The following IMMP2L variants were observed in gnomAD, a reference collection of about 807,000 sequenced individuals.
IMMP2L encodes mitochondrial inner membrane protease subunit 2.
Under a neutral mutation model 19.3 loss-of-function variants are expected in IMMP2L, and 18 were observed. That is an observed-to-expected ratio of 0.93 (90% CI 0.64 to 1.38). The LOEUF is 1.38. Among genes scored for constraint, IMMP2L ranks in the 40% most tolerant of loss-of-function variants. The probability of loss-of-function intolerance (pLI) is 0.00; values close to 1 mark genes in which losing one functional copy is unlikely to be tolerated. For synonymous variants in IMMP2L, 76 were observed against 73.0 expected (o/e 1.04, Z -0.21); for missense variants, 233 against 218.2 (o/e 1.07, Z -0.43).
chr7:111,317,980 T>G (rs1240108861), intron 3 of IMMP2L, among the ~76,000 whole-genome samples: 1 of 152,152 alleles, frequency 6.6e-6, no homozygotes, highest in Non-Finnish European at 1.5e-5. Context: ...AATCTACATT[T>G]TTTCAATCTG....
chr7:110,801,149 C>A (rs2131210606), intron 5 of IMMP2L, among the ~76,000 whole-genome samples: 1 of 152,138 alleles, frequency 6.6e-6, no homozygotes, highest in South Asian at 2.1e-4. Context: ...TGTTTCTACA[C>A]CTCAGTTTCC....
chr7:111,100,255 T>C (rs939938585), intron 3 of IMMP2L, among the ~76,000 whole-genome samples: 5 of 151,524 alleles, frequency 3.3e-5, no homozygotes, highest in African/African-American at 9.7e-5. Flanking sequence ...CTGTACCCAA[T>C]GCCTTATCAC....
intron 3 of IMMP2L, among the ~76,000 whole-genome samples, chr7:111,054,190 A>G (rs990153238): frequency 6.6e-6 from 1 of 152,218 alleles, no homozygotes; most frequent in Non-Finnish European, 1.5e-5. Context: ...TTTAAAATTC[A>G]CCCATACATT....
intron 3 of IMMP2L, chr7:111,391,776 TAA>T: frequency 1.6e-6 from 1 of 623,512 alleles, no homozygotes; most frequent in Non-Finnish European, 2.9e-6. Context: ...ACAACTACGA[TAA>T]GAGTATGAGT....
intron 3 of IMMP2L, among the ~76,000 whole-genome samples, chr7:111,252,509 T>C (rs1053877845): frequency 6.6e-6 from 1 of 152,088 alleles, no homozygotes; most frequent in Non-Finnish European, 1.5e-5. Flanking sequence ...AGAGAAAGTC[T>C]ACTGGACAAT....
intron 3 of IMMP2L, among the ~76,000 whole-genome samples, chr7:111,208,554 C>T (rs1165660293): frequency 6.6e-6 from 1 of 152,278 alleles, no homozygotes; most frequent in East Asian, 1.9e-4. Flanking sequence ...TAAAAGCCTT[C>T]TTTCAGAGGT....
chr7:111,320,066 T>C (rs1027634510), intron 3 of IMMP2L, among the ~76,000 whole-genome samples: 3 of 151,986 alleles, frequency 2.0e-5, no homozygotes, highest in Admixed American at 6.6e-5. Flanking sequence ...TGGGAAGATA[T>C]ATATACACAG....
intron 3 of IMMP2L, among the ~76,000 whole-genome samples, chr7:111,312,518 G>A (rs1011166279): frequency 3.9e-5 from 6 of 152,052 alleles, no homozygotes; most frequent in Non-Finnish European, 7.4e-5. Context: ...CTCTGTTTAC[G>A]TGACTATCCT....
intron 5 of IMMP2L, among the ~76,000 whole-genome samples, chr7:110,867,338 T>TTACC (rs1291396046): frequency 2.0e-5 from 3 of 151,838 alleles, no homozygotes; most frequent in African/African-American, 7.3e-5. Context: ...CATGACCTCA[T>TTACC]TACCCCGCAA....
At chr7:110,830,064 T>C (rs544533094) in intron 5 of IMMP2L, among the ~76,000 whole-genome samples, 23 of 152,302 alleles carry the variant, frequency 1.5e-4, no homozygotes, top group African/African-American at 5.5e-4. Flanking sequence ...TGTCATTCCC[T>C]TCCCCAACTC....
intron 3 of IMMP2L, among the ~76,000 whole-genome samples, chr7:110,981,063 T>G (rs1821245111): frequency 6.6e-6 from 1 of 152,194 alleles, no homozygotes; most frequent in Admixed American, 6.5e-5. Flanking sequence ...TTTGAGAGTT[T>G]AGGCTACTGT....
chr7:111,496,622 C>T (rs941485785), intron 2 of IMMP2L, among the ~76,000 whole-genome samples: 2 of 152,170 alleles, frequency 1.3e-5, no homozygotes, highest in African/African-American at 4.8e-5. Context: ...TCTCCTGACG[C>T]TGGGACAACC....
intron 5 of IMMP2L, among the ~76,000 whole-genome samples, chr7:110,735,063 T>C (rs1303685262): frequency 1.3e-5 from 2 of 152,292 alleles, no homozygotes; most frequent in East Asian, 1.9e-4. Flanking sequence ...GACACTTACA[T>C]AGCCAGCTCG....
chr7:110,943,131 C>A (rs1563099427), intron 4 of IMMP2L, among the ~76,000 whole-genome samples: 1 of 151,988 alleles, frequency 6.6e-6, no homozygotes, highest in Non-Finnish European at 1.5e-5. Flanking sequence ...GCTGTCCCAA[C>A]TCCAGATTTC....
intron 5 of IMMP2L, among the ~76,000 whole-genome samples, chr7:110,846,388 CAG>C (rs560149674): frequency 4.8e-3 from 674 of 140,700 alleles, no homozygotes; most frequent in Non-Finnish European, 8.4e-3. Context: ...GTTGTTGAGA[CAG>C]AGTCTCACTT....
intron 4 of IMMP2L, among the ~76,000 whole-genome samples, chr7:110,932,090 C>T (rs1815555619): frequency 6.6e-6 from 1 of 152,118 alleles, no homozygotes; most frequent in South Asian, 2.1e-4. Flanking sequence ...CTTGCCATTA[C>T]CATTTATTTA....
chr7:111,120,661 G>T (rs983807554), intron 3 of IMMP2L, among the ~76,000 whole-genome samples: 1 of 152,114 alleles, frequency 6.6e-6, no homozygotes, highest in Admixed American at 6.6e-5. Context: ...CTTTAGTTAC[G>T]AATGATAACA....
intron 5 of IMMP2L, among the ~76,000 whole-genome samples, chr7:110,704,844 T>C (rs371780764): frequency 2.0e-5 from 3 of 152,194 alleles, no homozygotes; most frequent in East Asian, 1.9e-4. Context: ...TCATCCTGTT[T>C]GTCTAATACT....
At chr7:111,552,827 AG>A (rs1483979908) in intron 1 of IMMP2L, among the ~76,000 whole-genome samples, 1 of 152,150 alleles carries the variant, frequency 6.6e-6, no homozygotes, top group African/African-American at 2.4e-5. Flanking sequence ...TGACTTCCAC[AG>A]GTAAGTCATA....
Sources: gnomAD v4.1 joint callset for allele counts (sites outside exome capture counted in the v4.1 genomes callset) on GRCh38, gnomAD v4.1.1 for gene constraint, MANE v1.5 for transcripts, NCBI Gene and HGNC (gene_info 2026-07-23, HGNC 2026-07-21) for gene names.